The following POTEC variants were observed in gnomAD, a reference collection of about 807,000 sequenced individuals.
POTEC encodes the protein ANKRD26-like family B member 2.
In POTEC, 35 loss-of-function variants were observed where a neutral mutation model predicts 62.0. The ratio of observed to expected loss-of-function variants is 0.56; its 90% CI spans 0.43 to 0.75. POTEC has a LOEUF of 0.75. Ranked by LOEUF, POTEC falls within the 30% of genes least tolerant of loss-of-function variation. The pLI, the probability that POTEC is intolerant of heterozygous loss-of-function variation, is 0.00. For synonymous variants in POTEC, 156 were observed against 221.5 expected (o/e 0.70, Z 2.62); for missense variants, 472 against 655.9 (o/e 0.72, Z 3.06).
intron 6 of POTEC, among the ~76,000 whole-genome samples, chr18:14,527,464 C>T (rs1248514137): frequency 6.6e-6 from 1 of 152,016 alleles, no homozygotes; most frequent in Non-Finnish European, 1.5e-5. Flanking sequence ...GCTCCTTGCT[C>T]TCTTTCTTTT....
At chr18:14,539,814 C>T (rs921324272) in intron 1 of POTEC, among the ~76,000 whole-genome samples, 6 of 152,026 alleles carry the variant, frequency 3.9e-5, no homozygotes, top group African/African-American at 1.4e-4. Context: ...GTCCTAATGC[C>T]CCAATTTTGA....
In POTEC at chr18:14,508,839, T is replaced by G. The variant is rs1180495613; in HGVS notation, c.*3059A>C. The stretch of plus-strand genomic sequence containing the variant: ...TTTTCAGTGTTCTTGCACAGAGTCT[T>G]TTTCTCATCTTTATGGGCTTATCCA... On this transcript the variant is annotated 3_prime_UTR_variant, in exon 11 of 11. Coordinates refer to ENST00000358970, the MANE Select transcript of POTEC (RefSeq NM_001137671.2). The G allele has an allele frequency of 6.6e-6, 1 of 152,324 alleles. No individual in the cohort carries two copies. The highest frequency in any genetic ancestry group is 6.5e-5 in the Admixed American group (1 of 15,286). 9.4% of individuals were successfully genotyped at this position (152,324 alleles called of 1,614,324 possible).
rs1906034918 is a variant in POTEC, at chr18:14,543,435, C to G, written c.-289G>C. 2 of 574,678 alleles carry G rather than the reference C, an allele frequency of 3.5e-6. No individual in the cohort carries two copies. 35.6% of individuals were successfully genotyped at this position (574,678 alleles called of 1,614,324 possible). ...CAGCCCAGTCAAGGGAATGCCAAAC[C>G]CAGCAGAGAAAAAGTCAAGCCCAGC... On this transcript the variant is annotated 5_prime_UTR_variant, in exon 1 of 11. Transcript: ENST00000358970.
chr18:14,537,988 A>C lies in POTEC; in HGVS notation c.637-14T>G. On this transcript the variant is annotated splice_polypyrimidine_tract_variant and intron_variant, in intron 2 of 10. Transcript: ENST00000358970. ...GCATTGTACGGCCTGTCAGTATTAG[A>C]CCAAAAACAAATTATTAAGTCCTAG... The C allele has an allele frequency of 6.2e-7, 1 of 1,600,588 alleles. No homozygotes were observed. Among genetic ancestry groups the C allele is most frequent in the South Asian group, 1.1e-5 (1 of 89,774 alleles).
intron 6 of POTEC, 146 bp from the exon 7 acceptor site, chr18:14,525,129 A>G: frequency 7.8e-7 from 1 of 1,275,282 alleles, no homozygotes; most frequent in South Asian, 1.6e-5. Context: ...TACTTAGGAA[A>G]TAATTCTCCA....
rs1909882633 is a variant in POTEC at position 14,507,692 on chromosome 18, G to C, written c.*4206C>G. On this transcript the variant is annotated 3_prime_UTR_variant, in exon 11 of 11. Coordinates refer to ENST00000358970, the MANE Select transcript of POTEC (RefSeq NM_001137671.2). ...TAGCATCACTTGTCTGTGTACTTCA[G>C]TGTGTTTTTGTAGTGGCTGGTGGTG... The C allele has an allele frequency of 6.6e-6, 1 of 152,148 alleles. No individual in the cohort carries two copies. Among genetic ancestry groups the C allele is most frequent in the African/African-American group, 2.4e-5 (1 of 41,436 alleles). 9.4% of individuals were successfully genotyped at this position (152,148 alleles called of 1,614,324 possible). A position where few individuals can be genotyped will look rare whatever the true frequency, so the allele number is the denominator to read the frequency against.
intron 3 of POTEC, among the ~76,000 whole-genome samples, chr18:14,536,055 C>G (rs1018055133): frequency 6.6e-6 from 1 of 150,996 alleles, no homozygotes; most frequent in African/African-American, 2.4e-5. Context: ...TTCACTTGAG[C>G]CCAGGAGTTC....
Position 14,511,520 on chromosome 18 carries a change from C to T in POTEC, c.*378G>A. The T allele has an allele frequency of 3.6e-6, 1 of 280,790 alleles. No homozygotes were observed. The highest frequency in any genetic ancestry group is 4.6e-5 in the South Asian group (1 of 21,854). 17.4% of individuals were successfully genotyped at this position (280,790 alleles called of 1,614,324 possible). ...TTAGAGTTGTTCAGAAAGAATCTCA[C>T]TGTTATCTTTTAGGTGAGATATATG... On this transcript the variant is annotated 3_prime_UTR_variant, in exon 11 of 11. Coordinates refer to ENST00000358970, the MANE Select transcript of POTEC (RefSeq NM_001137671.2).
At chr18:14,538,356 C>T (rs1905822115) in intron 1 of POTEC, 107 bp from the exon 2 acceptor site, 7 of 640,064 alleles carry the variant, frequency 1.1e-5, no homozygotes, top group Non-Finnish European at 1.9e-5. Flanking sequence ...GCCTTCAAAA[C>T]AAACTCAATT....
chr18:14,531,453 G>T (rs1201300226), intron 5 of POTEC, among the ~76,000 whole-genome samples: 2 of 152,104 alleles, frequency 1.3e-5, no homozygotes, highest in Non-Finnish European at 2.9e-5. Context: ...TTTTCATGAA[G>T]AAGCTGCAAA....
chr18:14,540,540 G>T (rs1291043844), intron 1 of POTEC, among the ~76,000 whole-genome samples: 1 of 152,002 alleles, frequency 6.6e-6, no homozygotes, highest in Non-Finnish European at 1.5e-5. Flanking sequence ...TTTGCATGCC[G>T]ACATATCTCT....
intron 3 of POTEC, among the ~76,000 whole-genome samples, chr18:14,536,835 C>CA (rs1239973403): frequency 6.6e-6 from 1 of 152,108 alleles, no homozygotes; most frequent in Non-Finnish European, 1.5e-5. Context: ...CTAGTAAACT[C>CA]AAAATCCAAC....
chr18:14,529,227 G>A (rs1253232000), intron 6 of POTEC, among the ~76,000 whole-genome samples: 1 of 151,908 alleles, frequency 6.6e-6, no homozygotes. Flanking sequence ...TAATAAAAAT[G>A]ACAATGATAA....
intron 5 of POTEC, among the ~76,000 whole-genome samples, chr18:14,531,015 C>T (rs1349775265): frequency 1.3e-5 from 2 of 151,828 alleles, no homozygotes; most frequent in African/African-American, 4.8e-5. Flanking sequence ...TAATCTGTTC[C>T]TAAACTTTAT....
At chr18:14,528,632 G>C (rs1342864690) in intron 6 of POTEC, among the ~76,000 whole-genome samples, 1 of 151,872 alleles carries the variant, frequency 6.6e-6, no homozygotes, top group East Asian at 1.9e-4. Context: ...ACTGCCAACA[G>C]CACAGCTGAA....
intron 3 of POTEC, among the ~76,000 whole-genome samples, chr18:14,537,042 G>T (rs1266904068): frequency 6.6e-6 from 1 of 150,766 alleles, no homozygotes; most frequent in Non-Finnish European, 1.5e-5. Context: ...TTCCTCAGAG[G>T]CCTCCTAAAA....
intron 9 of POTEC, among the ~76,000 whole-genome samples, chr18:14,520,593 G>GA (rs1278525821): frequency 6.6e-6 from 1 of 151,752 alleles, no homozygotes; most frequent in Non-Finnish European, 1.5e-5. Context: ...CATCACTGTG[G>GA]AAAAATATGG....
chr18:14,519,236 C>G lies in POTEC; in HGVS notation c.1409+3018G>C, dbSNP rs183571941. On this transcript the variant is annotated intron_variant, in intron 9 of 10. Transcript: ENST00000358970. ...TTGCCCTTAACCAAAGTAGGAAAGA[C>G]TACATGAGGTTTAGCTTTCAGGAAG... is the stretch of plus-strand genomic sequence containing the variant. Among the ~76,000 whole-genome samples the G allele has an allele frequency of 3.0e-3, 462 of 152,266 alleles. 3 individuals carry two copies. Among genetic ancestry groups the G allele is most frequent in the African/African-American group, 0.011 (439 of 41,568 alleles).
intron 5 of POTEC, among the ~76,000 whole-genome samples, chr18:14,532,188 T>C (rs964434949): frequency 6.6e-6 from 1 of 152,038 alleles, no homozygotes; most frequent in Admixed American, 6.6e-5. Context: ...CCACCTCATA[T>C]CTGCTAGAGA....
Sources: allele counts gnomAD v4.1 joint callset (sites outside exome capture counted in the v4.1 genomes callset), GRCh38; gene constraint gnomAD v4.1.1; transcripts MANE v1.5; gene names NCBI Gene and HGNC (gene_info 2026-07-23, HGNC 2026-07-21).